VPS54: variants seen among roughly 807,000 people sequenced by gnomAD.
VPS54 encodes the protein vacuolar protein sorting-associated protein 54.
A neutral mutation model predicts 121.5 loss-of-function variants in VPS54; 45 were observed. That is an observed-to-expected ratio of 0.37 (90% confidence interval 0.29 to 0.47). The LOEUF is 0.47. VPS54 is among the 20% of genes least tolerant of loss of function. VPS54 has a pLI of 0.99. For synonymous variants in VPS54, 371 were observed against 385.8 expected, an observed-to-expected ratio of 0.96 and a Z score of 0.45; for missense variants, 1,090 against 1,131.4, an observed-to-expected ratio of 0.96 and a Z score of 0.52.
At chr2:63,974,855 T>C (rs1676450915) in intron 3 of VPS54, 3 of 1,028,014 alleles carry the variant, frequency 2.9e-6, no homozygotes, top group Admixed American at 3.1e-5. Flanking sequence ...ATTTTCCACA[T>C]AGACGATCAT....
chr2:64,002,695 GA>G (rs564399460), intron 1 of VPS54, among the ~76,000 whole-genome samples: 2 of 152,172 alleles, frequency 1.3e-5, no homozygotes, highest in African/African-American at 4.8e-5. Flanking sequence ...TATCTGAGGA[GA>G]AAAACACATG....
At chr2:63,927,047 T>C (rs570370839) in intron 12 of VPS54, among the ~76,000 whole-genome samples, 17 of 152,318 alleles carry the variant, frequency 1.1e-4, no homozygotes, top group African/African-American at 4.1e-4. Flanking sequence ...CAATGCCTAC[T>C]GCCTCTCTGG....
chr2:63,952,095 T>C (rs1675277882), intron 7 of VPS54, among the ~76,000 whole-genome samples: 1 of 152,218 alleles, frequency 6.6e-6, no homozygotes, highest in Non-Finnish European at 1.5e-5. Context: ...GGACTGTATG[T>C]ACAGATGGAC....
Position 63,946,704 on chromosome 2 carries a change from A to C in VPS54, c.1245+679T>G, listed in dbSNP as rs1674995662. Among the ~76,000 whole-genome samples the C allele has an allele frequency of 2.0e-5, 3 of 152,262 alleles. No homozygotes were observed. In the South Asian group the frequency reaches 6.2e-4, roughly 32 times the overall value. On this transcript the variant is annotated intron_variant, in intron 9 of 22. Transcript: ENST00000272322. ...AAGATTTATCTGACTAAAAAAAGTC[A>C]AAACAAAGATCAGGGAATACTGAAA... is the stretch of plus-strand genomic sequence containing the variant.
At chr2:63,957,207 C>T (rs938924124) in intron 7 of VPS54, among the ~76,000 whole-genome samples, 3 of 152,002 alleles carry the variant, frequency 2.0e-5, no homozygotes, top group Non-Finnish European at 2.9e-5. Context: ...CTTTGGGAGG[C>T]CAAGGCGGGC....
intron 20 of VPS54, among the ~76,000 whole-genome samples, chr2:63,909,725 G>GTTTTTGTTTGTTTTTTT (rs747731456): frequency 8.7e-6 from 1 of 115,250 alleles, no homozygotes. Context: ...GCCGTTTTTG[G>GTTTTTGTTTGTTTTTTT]TTTTTTTTTT....
In VPS54 at chr2:64,017,254, T is replaced by C. The variant is rs376703761; in HGVS notation, c.-21+1684A>G. ...CAGGAGACTGAGGCAGAAGAATCAC[T>C]TGAAGCCGGTAGGCGGAGGTTGCGG... On this transcript the variant is annotated intron_variant, in intron 1 of 22. Transcript: ENST00000272322. 6.6e-5 allele frequency among the ~76,000 whole-genome samples: 10 copies of C among 151,270 alleles called. 1 individual carries two copies. The East Asian group carries it at 9.7e-4, about 15-fold the overall frequency.
In VPS54 at chr2:63,962,433, T is replaced by G; in HGVS notation, c.635A>C (p.Tyr212Ser). The G allele has an allele frequency of 1.2e-6, 2 of 1,609,910 alleles. No homozygotes were observed. Among genetic ancestry groups the G allele is most frequent in the Non-Finnish European group, 1.7e-6 (2 of 1,177,740 alleles). Reference sequence around the variant, plus strand: ...AATGTTTACTTCCACAATATCCAGATAATGGCTCAGCTTAAAAGAGAAGGA... The same window carrying G: ...AATGTTTACTTCCACAATATCCAGAGAATGGCTCAGCTTAAAAGAGAAGGA... ...SKLLQEKLSH[Y>S]LDIVEVNIAH... Residue 212 changes from tyrosine to serine, a missense_variant, in exon 7 of 23, where the codon TAT (tyrosine) becomes TCT (serine). By Grantham distance (144) the Tyr-to-Ser change is moderately radical. This residue lies in a region of VPS54 where 801 missense variants were observed against 757.0 expected (regional missense o/e 1.06). Transcript: ENST00000272322.
chr2:63,995,573 A>G (rs1029086297), intron 1 of VPS54, among the ~76,000 whole-genome samples: 3 of 152,220 alleles, frequency 2.0e-5, no homozygotes, highest in African/African-American at 7.2e-5. Flanking sequence ...CTATTCAAAC[A>G]GCTCATTTTG....
chr2:63,929,335 C>A (rs1674071925), intron 12 of VPS54, among the ~76,000 whole-genome samples: 1 of 152,162 alleles, frequency 6.6e-6, no homozygotes, highest in African/African-American at 2.4e-5. Context: ...ACACTGCAAT[C>A]AAATTAGAAC....
rs1254643605 is a variant in VPS54, at chr2:63,933,806, A to G, written c.1606T>C (p.Ser536Pro). 2.5e-6 allele frequency: 4 copies of G among 1,613,898 alleles called. No homozygotes were observed. The highest frequency in any genetic ancestry group is 3.4e-6 in the Non-Finnish European group (4 of 1,179,854). ...ELTPIAVDTT[S>P]QRNASPNSEP... ...CTATTTGGAGATGCATTTCTTTGAG[A>G]GGTAGTGTCAACTGCTATAGGTGTT... is the stretch of plus-strand genomic sequence containing the variant. Residue 536 changes from serine (S) to proline (P), a missense_variant, in exon 12 of 23, where the codon TCT (serine) becomes CCT (proline). This residue lies in a region of VPS54 where 801 missense variants were observed against 757.0 expected (regional missense o/e 1.06). Transcript: ENST00000272322.
rs893335801 is a variant in VPS54 at position 63,893,005 on chromosome 2, A to G, written c.*425T>C. On this transcript the variant is annotated 3_prime_UTR_variant, in exon 23 of 23. Coordinates refer to ENST00000272322, the MANE Select transcript of VPS54 (RefSeq NM_016516.3). ...TAGAGAAAACTTTCTACAGAAGTTG[A>G]CTAAGATTTTAAATTGTACCATCAT... 1.9e-5 allele frequency: 3 copies of G among 155,202 alleles called. No individual in the cohort carries two copies. Among genetic ancestry groups the G allele is most frequent in the Non-Finnish European group, 4.3e-5 (3 of 69,864 alleles). 9.6% of individuals were successfully genotyped at this position (155,202 alleles called of 1,614,324 possible).
intron 3 of VPS54, among the ~76,000 whole-genome samples, chr2:63,977,526 TTC>T (rs1218928503): frequency 6.6e-6 from 1 of 152,202 alleles, no homozygotes; most frequent in Non-Finnish European, 1.5e-5. Flanking sequence ...CATTCTTCAT[TTC>T]TGTTATACTA....
chr2:63,986,416 C>A (rs749552982), intron 1 of VPS54, among the ~76,000 whole-genome samples: 1 of 152,208 alleles, frequency 6.6e-6, no homozygotes, highest in Non-Finnish European at 1.5e-5. Context: ...CCACTTCCAT[C>A]CATCTGTTGC....
intron 3 of VPS54, among the ~76,000 whole-genome samples, chr2:63,972,887 GA>G (rs531475279): frequency 1.4e-5 from 2 of 145,826 alleles, no homozygotes; most frequent in East Asian, 2.0e-4. Context: ...CAAAAAAAAA[GA>G]AAAAAAGGAA....
At chr2:63,896,501 AG>A (rs1232369985) in intron 22 of VPS54, among the ~76,000 whole-genome samples, 1 of 152,228 alleles carries the variant, frequency 6.6e-6, no homozygotes, top group Non-Finnish European at 1.5e-5. Context: ...TTCTTTAAAA[AG>A]AAAAAGAAGA....
intron 15 of VPS54, among the ~76,000 whole-genome samples, chr2:63,919,309 G>T (rs780267835): frequency 6.6e-6 from 1 of 151,460 alleles, no homozygotes. Flanking sequence ...TTGGATTTTC[G>T]CTATCATGTA....
intron 14 of VPS54, 94 bp from the exon 15 acceptor site, chr2:63,920,089 C>T (rs1673569598): frequency 1.1e-5 from 11 of 1,035,556 alleles, no homozygotes; most frequent in South Asian, 5.4e-5. Flanking sequence ...TGAGTGAGAA[C>T]ATAAGACTTA....
intron 7 of VPS54, among the ~76,000 whole-genome samples, chr2:63,950,938 T>A (rs1675213404): frequency 6.6e-6 from 1 of 152,204 alleles, no homozygotes; most frequent in African/African-American, 2.4e-5. Flanking sequence ...GACATTTTTT[T>A]AAGCCAAACC....
Sources: allele counts gnomAD v4.1 joint callset (sites outside exome capture counted in the v4.1 genomes callset), GRCh38; gene constraint gnomAD v4.1.1; regional missense constraint gnomAD v4.1.1; transcripts MANE v1.5; gene names NCBI Gene and HGNC (gene_info 2026-07-23, HGNC 2026-07-21).